The following MYO16 variants were observed in gnomAD, a reference collection of about 807,000 sequenced individuals.
The protein encoded by MYO16 is myosin XVI, also known as unconventional myosin-XVI.
A neutral mutation model predicts 205.3 loss-of-function variants in MYO16; 94 were observed. The observed-to-expected ratio is 0.46, with a 90% confidence interval of 0.39 to 0.54. MYO16 has a LOEUF of 0.54. MYO16 is among the 20% of genes least tolerant of loss of function. MYO16 has a pLI of 0.00. For missense variants in MYO16, 2,315 were observed against 2,387.5 expected, an observed-to-expected ratio of 0.97 and a Z score of 0.63; for synonymous variants, 988 against 954.0, an observed-to-expected ratio of 1.04 and a Z score of -0.66.
intron 22 of MYO16, among the ~76,000 whole-genome samples, chr13:109,012,948 CTTG>C (rs1885653388): frequency 6.6e-6 from 1 of 150,814 alleles, no homozygotes; most frequent in Admixed American, 6.6e-5. Flanking sequence ...ATTTTGCCAC[CTTG>C]TTTTTTTTTT....
intron 1 of MYO16, among the ~76,000 whole-genome samples, chr13:108,611,551 TGAATATAAAACCA>T (rs909305926): frequency 6.6e-6 from 1 of 152,188 alleles, no homozygotes; most frequent in African/African-American, 2.4e-5. Context: ...GACCATTTGA[TGAATATAAAACCA>T]GAATAAATAA....
chr13:108,984,114 G>A (rs1398130738), intron 20 of MYO16, among the ~76,000 whole-genome samples: 1 of 152,080 alleles, frequency 6.6e-6, no homozygotes, highest in East Asian at 1.9e-4. Context: ...TTCTGCAAAT[G>A]GATTCTCACT....
intron 1 of MYO16, among the ~76,000 whole-genome samples, chr13:108,631,075 C>T (rs10492422): frequency 0.04 from 6,035 of 152,212 alleles, 338 homozygotes; most frequent in African/African-American, 0.13. Flanking sequence ...TAGTCTTCTG[C>T]TTTAATCTGT....
intron 23 of MYO16, among the ~76,000 whole-genome samples, chr13:109,040,597 C>T (rs1886856298): frequency 6.6e-6 from 1 of 150,914 alleles, no homozygotes; most frequent in Non-Finnish European, 1.5e-5. Flanking sequence ...ATCAACAGGT[C>T]AAAGAAGAAA....
At chr13:108,599,590 A>G (rs1274689001) in intron 1 of MYO16, among the ~76,000 whole-genome samples, 2 of 152,180 alleles carry the variant, frequency 1.3e-5, no homozygotes, top group African/African-American at 2.4e-5. Flanking sequence ...CATATAGAAG[A>G]GCATCTAGAT....
chr13:108,655,403 G>A (rs1358613628), intron 1 of MYO16, among the ~76,000 whole-genome samples: 1 of 152,196 alleles, frequency 6.6e-6, no homozygotes, highest in Non-Finnish European at 1.5e-5. Flanking sequence ...ATTGGAGTTT[G>A]GGAACCTCCA....
At position 109,065,351 on chromosome 13, in the gene MYO16, CT is replaced by C. The variant is rs368566350; in HGVS notation, c.3335+9758del. Among the ~76,000 whole-genome samples the C allele has an allele frequency of 2.0e-5, 3 of 152,186 alleles. No individual in the cohort carries two copies. In the East Asian group the frequency reaches 5.8e-4, roughly 29 times the overall value. Reference sequence around the variant, plus strand: ...AGCTACTATCCTTTAAAAGACAGGACTTGCAAGTGATGGGAAAGAATAAAAA... The same window carrying C: ...AGCTACTATCCTTTAAAAGACAGGACTGCAAGTGATGGGAAAGAATAAAAA... On this transcript the variant is annotated intron_variant, in intron 27 of 34. Transcript: ENST00000457511.
intron 20 of MYO16, among the ~76,000 whole-genome samples, chr13:108,981,572 G>GT (rs1884449139): frequency 6.6e-6 from 1 of 152,250 alleles, no homozygotes; most frequent in African/African-American, 2.4e-5. Flanking sequence ...TCACTGCCAT[G>GT]TGAATAAGGC....
At chr13:108,574,370 G>A in the MYO16 span, among the ~76,000 whole-genome samples, 1 of 152,128 alleles carries the variant, frequency 6.6e-6, no homozygotes, top group Admixed American at 6.6e-5. Flanking sequence ...GCTTTTTCTA[G>A]TTGCAAGAGA....
At chr13:108,540,340 C>A in the MYO16 span, among the ~76,000 whole-genome samples, 1 of 152,062 alleles carries the variant, frequency 6.6e-6, no homozygotes, top group African/African-American at 2.4e-5. Context: ...TTTTGTAGAA[C>A]TGTAAAAGAA....
chr13:108,772,320 A>C (rs1885993477), intron 4 of MYO16, among the ~76,000 whole-genome samples: 1 of 152,154 alleles, frequency 6.6e-6, no homozygotes, highest in Non-Finnish European at 1.5e-5. Flanking sequence ...ACTGCACTCC[A>C]GCCTGGGCAA....
chr13:108,547,271 CAAAAAAAA>C, the MYO16 span, among the ~76,000 whole-genome samples: 1 of 92,378 alleles, frequency 1.1e-5, no homozygotes, highest in Non-Finnish European at 2.3e-5. Context: ...GACTCTGTCT[CAAAAAAAA>C]AAAAAAAAAA....
chr13:109,176,331 G>A (rs1004787315), intron 33 of MYO16, among the ~76,000 whole-genome samples: 3 of 151,584 alleles, frequency 2.0e-5, no homozygotes, highest in African/African-American at 7.3e-5. Context: ...TCTGGGATCT[G>A]TAGGATGTTT....
intron 10 of MYO16, among the ~76,000 whole-genome samples, chr13:108,849,147 C>T (rs1471890393): frequency 2.2e-4 from 33 of 152,006 alleles, no homozygotes. Flanking sequence ...CTAATCTGGT[C>T]ATTCCGGTCA....
intron 34 of MYO16, 49 bp downstream of exon 34, chr13:109,179,682 T>A (rs1468842428): frequency 6.9e-7 from 1 of 1,444,936 alleles, no homozygotes; most frequent in Non-Finnish European, 9.7e-7. Context: ...GGAATTAAGT[T>A]ATGACAAGGC....
At chr13:109,116,546 C>A (rs1875697904) in intron 28 of MYO16, among the ~76,000 whole-genome samples, 1 of 152,162 alleles carries the variant, frequency 6.6e-6, no homozygotes, top group Admixed American at 6.5e-5. Context: ...AACCATCAAT[C>A]CACTTCTCAA....
intron 20 of MYO16, among the ~76,000 whole-genome samples, chr13:108,974,773 A>C (rs892688251): frequency 3.3e-5 from 5 of 152,184 alleles, no homozygotes; most frequent in Admixed American, 2.0e-4. Context: ...GATTATTTTT[A>C]ATGGATTTGA....
At chr13:108,497,662 AAAATGATTTGTTTTGTATACATT>A in the MYO16 span, among the ~76,000 whole-genome samples, 1 of 152,228 alleles carries the variant, frequency 6.6e-6, no homozygotes, top group African/African-American at 2.4e-5. Context: ...TTAATAAAGT[AAAATGATTTGTTTTGTATACATT>A]AAAATAGCTC....
At chr13:108,990,368 A>G (rs1319824871) in intron 20 of MYO16, among the ~76,000 whole-genome samples, 1 of 152,172 alleles carries the variant, frequency 6.6e-6, no homozygotes, top group African/African-American at 2.4e-5. Flanking sequence ...AGTGATCAAA[A>G]CGAATGACAC....
Sources: gnomAD v4.1 joint callset for allele counts (sites outside exome capture counted in the v4.1 genomes callset) on GRCh38, gnomAD v4.1.1 for gene constraint, MANE v1.5 for transcripts, NCBI Gene and HGNC (gene_info 2026-07-23, HGNC 2026-07-21) for gene names.